MTA3: variants seen among roughly 807,000 people sequenced by gnomAD.
The protein encoded by MTA3 is metastasis-associated protein MTA3.
A neutral mutation model predicts 83.5 loss-of-function variants in MTA3; 34 were observed. The observed-to-expected ratio is 0.41, with a 90% confidence interval of 0.31 to 0.54. The LOEUF is 0.54. Among genes scored for constraint, MTA3 ranks in the 20% least tolerant of loss-of-function variants. The pLI is 0.33. For synonymous variants in MTA3, 303 were observed against 252.7 expected, an observed-to-expected ratio of 1.20 and a Z score of -1.89; for missense variants, 761 against 726.4, an observed-to-expected ratio of 1.05 and a Z score of -0.55.
chr2:42,752,275 A>C (rs746763946), intron 16 of MTA3: 21 of 471,244 alleles, frequency 4.5e-5, no homozygotes, highest in African/African-American at 6.0e-5. Flanking sequence ...TCCATCCTGC[A>C]GCCCTTCCTT....
At chr2:42,713,510 G>A (rs1353821718) in intron 14 of MTA3, among the ~76,000 whole-genome samples, 1 of 151,930 alleles carries the variant, frequency 6.6e-6, no homozygotes, top group Non-Finnish European at 1.5e-5. Flanking sequence ...GGTTTTGAAT[G>A]GATACTGAAA....
intron 16 of MTA3, among the ~76,000 whole-genome samples, chr2:42,753,043 G>A (rs937360322): frequency 4.0e-5 from 6 of 151,712 alleles, no homozygotes; most frequent in African/African-American, 1.5e-4. Context: ...TCCCCCCTCA[G>A]CCTCCTGAAG....
chr2:42,753,753 C>G lies in MTA3; in HGVS notation c.*354C>G, dbSNP rs1450591146. On this transcript the variant is annotated 3_prime_UTR_variant, in exon 17 of 17. Coordinates refer to ENST00000405094, the MANE Select transcript of MTA3 (RefSeq NM_001330442.2). ...CACTTGGCAGTGGGGCTGCTGCAAG[C>G]TCAGAGCCGCTGCCACCCTGCATGT... 12 of 1,147,196 alleles carry G rather than the reference C, an allele frequency of 1.0e-5. No homozygotes were observed. The highest frequency in any genetic ancestry group is 1.3e-5 in the Non-Finnish European group (12 of 926,248). 71.1% of individuals were successfully genotyped at this position (1,147,196 alleles called of 1,614,324 possible).
intron 16 of MTA3, among the ~76,000 whole-genome samples, chr2:42,727,403 T>A (rs1279280526): frequency 6.6e-6 from 1 of 152,180 alleles, no homozygotes; most frequent in Non-Finnish European, 1.5e-5. Flanking sequence ...TCCAGTCCCA[T>A]CTCCTCCACT....
chr2:42,740,462 G>A (rs144547519), intron 16 of MTA3, among the ~76,000 whole-genome samples: 250 of 152,338 alleles, frequency 1.6e-3, no homozygotes, highest in African/African-American at 5.7e-3. Flanking sequence ...AGTGAGCCAT[G>A]TCACTGCACT....
chr2:42,729,088 T>TTTTTGTTTG lies in MTA3; in HGVS notation c.1759+6057_1759+6058insGTTTGTTTT, dbSNP rs1320859003. ...CTTTTATTAGTTTCACAGTTTGAGT[T>TTTTTGTTTG]TTTTTTTTTTTTTTTTTTTTTTTTT... On this transcript the variant is annotated intron_variant, in intron 16 of 16. Transcript: ENST00000405094. Among the ~76,000 whole-genome samples the TTTTTGTTTG allele has an allele frequency of 3.5e-5, 3 of 85,036 alleles. 1 individual carries two copies. Among genetic ancestry groups the TTTTTGTTTG allele is most frequent in the Non-Finnish European group, 6.3e-5 (3 of 47,668 alleles). 55.8% of individuals were successfully genotyped at this position (85,036 alleles called of 152,430 possible).
intron 2 of MTA3, among the ~76,000 whole-genome samples, chr2:42,549,442 T>C (rs1353067990): frequency 2.9e-4 from 13 of 44,230 alleles, no homozygotes; most frequent in African/African-American, 1.4e-3. Context: ...TATATACGTA[T>C]ACATATAATA....
At chr2:42,652,869 C>A (rs1020178139) in intron 6 of MTA3, among the ~76,000 whole-genome samples, 2 of 152,120 alleles carry the variant, frequency 1.3e-5, no homozygotes, top group African/African-American at 4.8e-5. Flanking sequence ...AAAAGACATC[C>A]TTGTGTGTTC....
chr2:42,521,432 T>C (rs945682847), intron 2 of MTA3, among the ~76,000 whole-genome samples: 3 of 152,100 alleles, frequency 2.0e-5, no homozygotes, highest in Admixed American at 6.6e-5. Context: ...TTCCTAACCA[T>C]AGAAACTAAG....
In MTA3 at chr2:42,716,024, G is replaced by A. The variant is rs918242738; in HGVS notation, c.1526-2964G>A. On this transcript the variant is annotated intron_variant, in intron 14 of 16. Coordinates refer to ENST00000405094, the MANE Select transcript of MTA3 (RefSeq NM_001330442.2). The stretch of plus-strand genomic sequence containing the variant: ...GTGTTAACTCAATGGTTTGGCAGGC[G>A]TTTGATCCTTACAGGCTTTGGGTTG... 3.3e-5 allele frequency among the ~76,000 whole-genome samples: 5 copies of A among 152,284 alleles called. No homozygotes were observed. In the South Asian group the frequency reaches 8.3e-4, roughly 25 times the overall value.
At chr2:42,591,257 A>G (rs1448442042) in intron 3 of MTA3, among the ~76,000 whole-genome samples, 1 of 152,174 alleles carries the variant, frequency 6.6e-6, no homozygotes, top group East Asian at 1.9e-4. Context: ...ATATTTAAAC[A>G]TAGAACAAGT....
chr2:42,545,617 G>A (rs1420744016), intron 2 of MTA3, among the ~76,000 whole-genome samples: 2 of 152,102 alleles, frequency 1.3e-5, no homozygotes, highest in Non-Finnish European at 2.9e-5. Flanking sequence ...AAGGGTATAA[G>A]GCCTACCTCA....
chr2:42,577,232 AC>A (rs1293421156), intron 2 of MTA3, among the ~76,000 whole-genome samples: 2 of 150,882 alleles, frequency 1.3e-5, no homozygotes. Flanking sequence ...TGGGCTGTAG[AC>A]CCATGAGTAA....
chr2:42,748,593 C>T (rs1669626412), intron 16 of MTA3, among the ~76,000 whole-genome samples: 2 of 152,184 alleles, frequency 1.3e-5, no homozygotes, highest in East Asian at 1.9e-4. Context: ...CCATTATATT[C>T]GTCTTTTTCT....
chr2:42,507,750 G>A (rs1179761776), intron 2 of MTA3, among the ~76,000 whole-genome samples: 1 of 151,692 alleles, frequency 6.6e-6, no homozygotes, highest in Non-Finnish European at 1.5e-5. Context: ...GCAATATAGT[G>A]AGACCCCCAT....
Position 42,755,271 on chromosome 2 carries a change from CCT to C in MTA3, c.*1873_*1874del, listed in dbSNP as rs1000559565. ...CACCCTTTCACTTTCTCTCTGAACC[CCT>C]ACTAAGTGGTGACTGCAGATTCTGG... On this transcript the variant is annotated 3_prime_UTR_variant, in exon 17 of 17. Transcript: ENST00000405094. The C allele has an allele frequency of 1.4e-4, 140 of 985,358 alleles. No homozygotes were observed. The highest frequency in any genetic ancestry group is 1.6e-4 in the Non-Finnish European group (136 of 829,974). 61.0% of individuals were successfully genotyped at this position (985,358 alleles called of 1,614,324 possible). A position where few individuals can be genotyped will look rare whatever the true frequency, so the allele number is the denominator to read the frequency against.
intron 12 of MTA3, among the ~76,000 whole-genome samples, chr2:42,706,054 T>C (rs1256666801): frequency 1.3e-5 from 2 of 152,194 alleles, no homozygotes; most frequent in African/African-American, 4.8e-5. Context: ...ATTTTATATT[T>C]AGAATTCAAA....
chr2:42,711,783 A>AGT (rs763894802), intron 14 of MTA3, among the ~76,000 whole-genome samples: 6,733 of 147,672 alleles, frequency 0.046, 186 homozygotes, highest in Non-Finnish European at 0.07. Context: ...AGAGAGAGAG[A>AGT]GTGTGTGTGT....
At chr2:42,553,889 A>AAAAAAAAAAG (rs1677251370) in intron 2 of MTA3, among the ~76,000 whole-genome samples, 2 of 8,282 alleles carry the variant, frequency 2.4e-4, no homozygotes, top group African/African-American at 2.0e-3. Flanking sequence ...AAAAAAAAAG[A>AAAAAAAAAAG]AAAAAAAACG....
Sources: gnomAD v4.1 joint callset for allele counts (sites outside exome capture counted in the v4.1 genomes callset) on GRCh38, gnomAD v4.1.1 for gene constraint, MANE v1.5 for transcripts, NCBI Gene and HGNC (gene_info 2026-07-23, HGNC 2026-07-21) for gene names.